STXBP6: variants seen among roughly 807,000 people sequenced by gnomAD.
STXBP6 encodes syntaxin-binding protein 6.
A neutral mutation model predicts 26.9 loss-of-function variants in STXBP6; 21 were observed. That is an observed-to-expected ratio of 0.78 (90% CI 0.55 to 1.12). The LOEUF (loss-of-function observed/expected upper bound fraction) is 1.12, where lower values mean the gene tolerates loss of function less well. STXBP6 is among the 50% of genes most tolerant of loss of function. The probability of loss-of-function intolerance (pLI) is 0.00; values close to 1 mark genes in which losing one functional copy is unlikely to be tolerated. For missense variants in STXBP6, 232 were observed against 257.9 expected (o/e 0.90, Z 0.69); for synonymous variants, 97 against 92.6 (o/e 1.05, Z -0.27).
intron 1 of STXBP6, among the ~76,000 whole-genome samples, chr14:25,044,835 T>C (rs1279449674): frequency 1.3e-5 from 2 of 152,228 alleles, no homozygotes; most frequent in East Asian, 3.8e-4. Flanking sequence ...ATTATTTATA[T>C]GCAGGCACAA....
chr14:24,850,373 T>C (rs1436026831), intron 4 of STXBP6, among the ~76,000 whole-genome samples: 2 of 152,046 alleles, frequency 1.3e-5, no homozygotes, highest in Non-Finnish European at 2.9e-5. Context: ...AGCTCTGAAG[T>C]CTGGGCTTTA....
At chr14:24,878,263 G>A (rs1327187045) in intron 2 of STXBP6, among the ~76,000 whole-genome samples, 2 of 151,582 alleles carry the variant, frequency 1.3e-5, no homozygotes, top group East Asian at 1.9e-4. Flanking sequence ...CTTCTATGGT[G>A]TCACGATTTT....
intron 1 of STXBP6, among the ~76,000 whole-genome samples, chr14:25,045,246 T>C (rs1368852705): frequency 1.3e-5 from 2 of 152,188 alleles, no homozygotes; most frequent in African/African-American, 4.8e-5. Flanking sequence ...TTGATATAGT[T>C]AACTATAGTA....
At chr14:25,016,420 C>T (rs1451456365) in intron 1 of STXBP6, among the ~76,000 whole-genome samples, 1 of 152,146 alleles carries the variant, frequency 6.6e-6, no homozygotes, top group African/African-American at 2.4e-5. Context: ...GAAAGAATCA[C>T]AGTTACTGAG....
chr14:24,825,980 T>G (rs948420771), intron 4 of STXBP6, among the ~76,000 whole-genome samples: 6 of 152,126 alleles, frequency 3.9e-5, no homozygotes, highest in African/African-American at 1.4e-4. Context: ...GAACACTTGT[T>G]TTGAGGTTAA....
intron 4 of STXBP6, among the ~76,000 whole-genome samples, chr14:24,838,086 G>A (rs528196136): frequency 1.3e-5 from 2 of 152,270 alleles, no homozygotes; most frequent in African/African-American, 2.4e-5. Flanking sequence ...AGGCTGGAGT[G>A]CAGTACACGA....
chr14:24,901,353 CA>C, intron 2 of STXBP6, among the ~76,000 whole-genome samples: 1 of 151,870 alleles, frequency 6.6e-6, no homozygotes, highest in Admixed American at 6.5e-5. Flanking sequence ...GGCTCCCCCC[CA>C]AAAAAAGACT....
At chr14:24,865,535 CAT>C (rs2069686986) in intron 2 of STXBP6, among the ~76,000 whole-genome samples, 1 of 152,098 alleles carries the variant, frequency 6.6e-6, no homozygotes, top group Non-Finnish European at 1.5e-5. Flanking sequence ...TGATTCCCAT[CAT>C]ATGTTTGTGA....
rs545454313 is a variant in STXBP6, at chr14:24,871,704, T to C, written c.155-14547A>G. Among the ~76,000 whole-genome samples the C allele has an allele frequency of 4.5e-4, 68 of 152,332 alleles. 1 individual carries two copies. The highest frequency in any genetic ancestry group is 6.5e-4 in the Admixed American group (10 of 15,288). On this transcript the variant is annotated intron_variant, in intron 2 of 5. Transcript: ENST00000323944. ...CCATGGCCCACTACTGGATGGTGCCTGGAGAGCTTGTGATAAGAATGGAGC... is the reference window on the plus strand; with the variant it reads ...CCATGGCCCACTACTGGATGGTGCCCGGAGAGCTTGTGATAAGAATGGAGC...
At chr14:24,964,753 C>T (rs2073678134) in intron 2 of STXBP6, among the ~76,000 whole-genome samples, 1 of 151,866 alleles carries the variant, frequency 6.6e-6, no homozygotes, top group Non-Finnish European at 1.5e-5. Context: ...GCTGGGTCCA[C>T]AGGCATTTGT....
chr14:25,003,283 T>G (rs2074809754), intron 1 of STXBP6, among the ~76,000 whole-genome samples: 1 of 152,160 alleles, frequency 6.6e-6, no homozygotes, highest in African/African-American at 2.4e-5. Context: ...AAACCTCTAA[T>G]ACCAAGGAGA....
At chr14:25,044,340 G>A (rs138436951) in intron 1 of STXBP6, among the ~76,000 whole-genome samples, 14 of 152,112 alleles carry the variant, frequency 9.2e-5, no homozygotes, top group African/African-American at 3.4e-4. Context: ...GTGGCTGTTC[G>A]GTTTTACATA....
At position 24,891,045 on chromosome 14, in the gene STXBP6, T is replaced by A. The variant is rs116965092; in HGVS notation, c.155-33888A>T. Reference sequence around the variant, plus strand: ...GTCTTTACTTTTTTCCTGTGTTGAATCCCTTCTTCTTGTATCTGTCTTCCT... The same window carrying A: ...GTCTTTACTTTTTTCCTGTGTTGAAACCCTTCTTCTTGTATCTGTCTTCCT... On this transcript the variant is annotated intron_variant, in intron 2 of 5. Transcript: ENST00000323944. Among the ~76,000 whole-genome samples, 17 of 152,334 alleles carry A rather than the reference T, an allele frequency of 1.1e-4. No individual in the cohort carries two copies. The East Asian group carries it at 3.3e-3, about 29-fold the overall frequency.
At chr14:24,863,983 G>C (rs1242991664) in intron 2 of STXBP6, among the ~76,000 whole-genome samples, 3 of 152,078 alleles carry the variant, frequency 2.0e-5, no homozygotes, top group Admixed American at 1.3e-4. Context: ...TAAATGCCCA[G>C]AGTTGTGACA....
chr14:24,890,558 A>T (rs1363105982), intron 2 of STXBP6, among the ~76,000 whole-genome samples: 1 of 151,844 alleles, frequency 6.6e-6, no homozygotes, highest in African/African-American at 2.4e-5. Context: ...AAAAGAAACC[A>T]CTCCTAGATA....
chr14:24,818,219 C>T, intron 5 of STXBP6: 1 of 442,062 alleles, frequency 2.3e-6, no homozygotes, highest in Admixed American at 2.5e-5. Context: ...AGAAAAAAAA[C>T]TGCCCTTTGA....
chr14:24,953,953 TGGAAGAAGA>T (rs2073257690), intron 2 of STXBP6, among the ~76,000 whole-genome samples: 1 of 152,080 alleles, frequency 6.6e-6, no homozygotes, highest in Non-Finnish European at 1.5e-5. Context: ...TAGAGGGGGT[TGGAAGAAGA>T]GGGAGAACTC....
intron 2 of STXBP6, among the ~76,000 whole-genome samples, chr14:24,868,062 T>C (rs1241646): frequency 0.61 from 92,468 of 151,826 alleles, 29,095 homozygotes; most frequent in Admixed American, 0.72. Flanking sequence ...CTGGGTGTGG[T>C]GGCACATGCT....
At chr14:24,814,818 C>A (rs567711810) in intron 5 of STXBP6, among the ~76,000 whole-genome samples, 6 of 152,178 alleles carry the variant, frequency 3.9e-5, no homozygotes, top group Non-Finnish European at 8.8e-5. Context: ...TGAAGCGAGA[C>A]CCCTCACCGC....
Sources: allele counts gnomAD v4.1 joint callset (sites outside exome capture counted in the v4.1 genomes callset), GRCh38; gene constraint gnomAD v4.1.1; transcripts MANE v1.5; gene names NCBI Gene and HGNC (gene_info 2026-07-23, HGNC 2026-07-21).